The following BABAM2 variants were observed in gnomAD, a reference collection of about 807,000 sequenced individuals.
The protein encoded by BABAM2 is BRISC and BRCA1-A complex member 2.
Under a neutral mutation model 54.7 loss-of-function variants are expected in BABAM2, and 31 were observed. The observed-to-expected ratio is 0.57, with a 90% confidence interval of 0.43 to 0.77. The LOEUF (loss-of-function observed/expected upper bound fraction) is 0.77. Among genes scored for constraint, BABAM2 ranks in the 30% least tolerant of loss-of-function variants. The pLI is 0.00. For synonymous variants in BABAM2, 167 were observed against 162.9 expected (o/e 1.03, Z -0.19); for missense variants, 364 against 455.8 (o/e 0.80, Z 1.83).
chr2:28,295,648 A>G (rs1402189687), intron 10 of BABAM2, among the ~76,000 whole-genome samples: 2 of 151,950 alleles, frequency 1.3e-5, no homozygotes, highest in African/African-American at 4.8e-5. Flanking sequence ...GGTACGCACC[A>G]CTATGCCCAG....
At chr2:27,970,491 T>G (rs1204572202) in intron 3 of BABAM2, among the ~76,000 whole-genome samples, 1 of 152,204 alleles carries the variant, frequency 6.6e-6, no homozygotes, top group Non-Finnish European at 1.5e-5. Context: ...TAGTTTACAG[T>G]ATCTATCTCT....
intron 3 of BABAM2, among the ~76,000 whole-genome samples, chr2:27,976,122 A>G (rs1473231510): frequency 6.6e-6 from 1 of 152,124 alleles, no homozygotes; most frequent in Non-Finnish European, 1.5e-5. Context: ...GCTAAATGTA[A>G]TAGTCACTCA....
At chr2:27,954,484 AG>A (rs1319957384) in intron 3 of BABAM2, among the ~76,000 whole-genome samples, 3 of 152,190 alleles carry the variant, frequency 2.0e-5, no homozygotes, top group African/African-American at 7.2e-5. Flanking sequence ...AAATACTAAA[AG>A]ATTCCATTTT....
At chr2:28,013,988 TGAC>T (rs1408848289) in intron 4 of BABAM2, among the ~76,000 whole-genome samples, 2 of 152,142 alleles carry the variant, frequency 1.3e-5, no homozygotes, top group African/African-American at 4.8e-5. Context: ...GCATATTTGT[TGAC>T]TAATTTGATA....
intron 6 of BABAM2, among the ~76,000 whole-genome samples, chr2:28,101,913 G>T (rs1457533705): frequency 6.6e-6 from 1 of 152,072 alleles, no homozygotes; most frequent in Admixed American, 6.6e-5. Flanking sequence ...CCCAGGGCAG[G>T]GTTCAGGAAT....
chr2:27,970,127 A>G (rs977540675), intron 3 of BABAM2, among the ~76,000 whole-genome samples: 14 of 152,214 alleles, frequency 9.2e-5, no homozygotes, highest in African/African-American at 2.6e-4. Context: ...CTTTTTATAA[A>G]GGAATATATT....
At chr2:28,252,934 A>C (rs560654171) in intron 10 of BABAM2, among the ~76,000 whole-genome samples, 1 of 152,382 alleles carries the variant, frequency 6.6e-6, no homozygotes, top group South Asian at 2.1e-4. Context: ...CATCTTACCC[A>C]GTGAAAGAAA....
At chr2:28,014,668 G>GTTT (rs35336635) in intron 4 of BABAM2, among the ~76,000 whole-genome samples, 3 of 138,132 alleles carry the variant, frequency 2.2e-5, no homozygotes, top group Non-Finnish European at 3.2e-5. Context: ...TATGAAGCTG[G>GTTT]TTTTTTTTTT....
chr2:28,026,871 T>A (rs1449960638), intron 5 of BABAM2, among the ~76,000 whole-genome samples: 1 of 75,898 alleles, frequency 1.3e-5, no homozygotes, highest in African/African-American at 6.2e-5. Flanking sequence ...TAGATATATA[T>A]ATTTATATAT....
At chr2:28,197,021 A>G (rs894074206) in intron 7 of BABAM2, among the ~76,000 whole-genome samples, 3 of 150,914 alleles carry the variant, frequency 2.0e-5, no homozygotes, top group African/African-American at 7.3e-5. Context: ...TTTTTTTGGT[A>G]TTTTTTATAG....
At chr2:27,932,206 C>A (rs1443586189) in intron 3 of BABAM2, among the ~76,000 whole-genome samples, 1 of 151,954 alleles carries the variant, frequency 6.6e-6, no homozygotes, top group African/African-American at 2.4e-5. Flanking sequence ...TTCCTTTAGC[C>A]CATCCGATAA....
chr2:28,184,263 CCTCTCTCTCT>C (rs757881813), intron 7 of BABAM2, among the ~76,000 whole-genome samples: 2 of 59,372 alleles, frequency 3.4e-5, no homozygotes, highest in Admixed American at 4.9e-4. Context: ...TCCCTCCCTC[CCTCTCTCTCT>C]CTCTCTCTCT....
chr2:28,059,597 A>G (rs924896983), intron 6 of BABAM2, among the ~76,000 whole-genome samples: 1 of 152,204 alleles, frequency 6.6e-6, no homozygotes. Flanking sequence ...TAGACCAGCA[A>G]CTCACAAGTA....
chr2:27,973,015 G>A (rs1034462431), intron 3 of BABAM2, among the ~76,000 whole-genome samples: 10 of 151,620 alleles, frequency 6.6e-5, no homozygotes, highest in African/African-American at 2.4e-4. Flanking sequence ...TGATCCGCCC[G>A]CCTCGGCCTC....
At chr2:27,894,456 C>G in intron 1 of BABAM2, 77 bp from the exon 2 acceptor site, 2 of 1,370,716 alleles carry the variant, frequency 1.5e-6, no homozygotes, top group Admixed American at 3.6e-5. Flanking sequence ...CTGCTGTATG[C>G]TGTCCAGTTT....
At chr2:27,965,468 C>G (rs1670767225) in intron 3 of BABAM2, among the ~76,000 whole-genome samples, 1 of 152,090 alleles carries the variant, frequency 6.6e-6, no homozygotes, top group South Asian at 2.1e-4. Flanking sequence ...AGCTTTTTCC[C>G]AAATAATTTT....
chr2:28,290,504 T>TGAAGTG (rs1687199607), intron 10 of BABAM2, among the ~76,000 whole-genome samples: 1 of 152,234 alleles, frequency 6.6e-6, no homozygotes, highest in African/African-American at 2.4e-5. Context: ...CAAATGGGCA[T>TGAAGTG]GAAGTGGAAG....
chr2:28,085,674 T>G (rs763901079), intron 6 of BABAM2, among the ~76,000 whole-genome samples: 14 of 152,204 alleles, frequency 9.2e-5, no homozygotes, highest in Non-Finnish European at 1.9e-4. Flanking sequence ...ATTTCTCGTG[T>G]GTCATGCAAT....
chr2:27,955,086 C>T (rs1669992889), intron 3 of BABAM2, among the ~76,000 whole-genome samples: 1 of 152,190 alleles, frequency 6.6e-6, no homozygotes, highest in Non-Finnish European at 1.5e-5. Flanking sequence ...AGACTGCTCT[C>T]TCAGAAATGT....
Sources: gnomAD v4.1 joint callset for allele counts (sites outside exome capture counted in the v4.1 genomes callset) on GRCh38, gnomAD v4.1.1 for gene constraint, MANE v1.5 for transcripts, NCBI Gene and HGNC (gene_info 2026-07-23, HGNC 2026-07-21) for gene names.